Variants in SPIRE1 observed in about 807,000 individuals in gnomAD.
SPIRE1 encodes the protein spire type actin nucleation factor 1.
SPIRE1 carries 40 observed loss-of-function variants against 94.1 expected under a neutral mutation model. That is an observed-to-expected ratio of 0.43 (90% confidence interval 0.33 to 0.55). The LOEUF is 0.55. Ranked by LOEUF, SPIRE1 falls within the 20% of genes least tolerant of loss-of-function variation. The pLI, the probability that SPIRE1 is intolerant of heterozygous loss-of-function variation, is 0.06. For missense variants in SPIRE1, 838 were observed against 975.2 expected, an observed-to-expected ratio of 0.86 and a Z score of 1.87; for synonymous variants, 376 against 371.7, an observed-to-expected ratio of 1.01 and a Z score of -0.13.
chr18:12,493,195 C>A lies in SPIRE1; in HGVS notation c.1066G>T (p.Ala356Ser). 6.2e-7 allele frequency: 1 copy of A among 1,609,436 alleles called. No homozygotes were observed. Among genetic ancestry groups the A allele is most frequent in the Non-Finnish European group, 8.5e-7 (1 of 1,179,066 alleles). Residue 356 changes from alanine to serine, a missense_variant, in exon 8 of 17, where the codon GCC (alanine) becomes TCC (serine). This residue lies in a region of SPIRE1 where 645 missense variants were observed against 804.7 expected (regional missense o/e 0.80). Transcript: ENST00000409402. ...RSRPPLNPVS[A>S]RKLKPTPPRP... ...GGTGGAGTTGGTTTCAGTTTTCTGG[C>A]TGAGACCTTGAAAGTAAGAAAAATG...
chr18:12,458,494 G>T (rs568263186), intron 12 of SPIRE1, among the ~76,000 whole-genome samples: 1 of 152,060 alleles, frequency 6.6e-6, no homozygotes, highest in East Asian at 2.0e-4. Flanking sequence ...GATGCCTGGA[G>T]TCCCAGCTAC....
rs190852761 is a variant in SPIRE1, at chr18:12,469,799, T to C, written c.1405-4841A>G. On this transcript the variant is annotated intron_variant, in intron 10 of 16. Coordinates refer to ENST00000409402, the MANE Select transcript of SPIRE1 (RefSeq NM_001128626.2). ...TTTACGAGGTCTCATGAGACTCTTA[T>C]AGATGCAACTGAGGCAAAAGTAAGC... 5.2e-4 allele frequency among the ~76,000 whole-genome samples: 77 copies of C among 148,826 alleles called. 1 individual carries two copies. The highest frequency in any genetic ancestry group is 1.7e-3 in the African/African-American group (69 of 40,770).
intron 1 of SPIRE1, among the ~76,000 whole-genome samples, chr18:12,637,588 G>A (rs1402732828): frequency 1.3e-5 from 2 of 152,156 alleles, no homozygotes; most frequent in Admixed American, 6.5e-5. Flanking sequence ...CAAACCTAAC[G>A]TGAGAAGAAA....
intron 4 of SPIRE1, among the ~76,000 whole-genome samples, chr18:12,525,559 A>G (rs2034497227): frequency 6.6e-6 from 1 of 151,984 alleles, no homozygotes; most frequent in South Asian, 2.1e-4. Context: ...AAAGTTTCAC[A>G]TCAAGCATTT....
At chr18:12,501,089 AAAAAAAG>A (rs2033647624) in intron 6 of SPIRE1, among the ~76,000 whole-genome samples, 1 of 140,934 alleles carries the variant, frequency 7.1e-6, no homozygotes, top group Non-Finnish European at 1.6e-5. Context: ...AAAAAAAAAA[AAAAAAAG>A]AAAAAAAAAA....
At chr18:12,453,308 T>C (rs2031336831) in intron 13 of SPIRE1, among the ~76,000 whole-genome samples, 170 bp from the exon 14 acceptor site, 2 of 152,214 alleles carry the variant, frequency 1.3e-5, no homozygotes, top group African/African-American at 4.8e-5. Flanking sequence ...GCTGATAATG[T>C]AGCTCTGTAT....
chr18:12,657,616 G>A lies in SPIRE1; in HGVS notation c.251C>T (p.Ser84Leu), dbSNP rs2038588811. ...RRRQPRHRVR[S>L]AAQIRVWRDG... ...CCTCCAGACGCGGATCTGCGCGGCC[G>A]AGCGCACACGGTGGCGGGGCTGGCG... Residue 84 changes from serine (S) to leucine (L), a missense_variant, in exon 1 of 17, where the codon TCG becomes TTG. Transcript: ENST00000409402. 1 of 1,295,702 alleles carries A rather than the reference G, an allele frequency of 7.7e-7. No homozygotes were observed. The highest frequency in any genetic ancestry group is 9.8e-7 in the Non-Finnish European group (1 of 1,024,354). 80.3% of individuals were successfully genotyped at this position (1,295,702 alleles called of 1,614,324 possible). A position where few individuals can be genotyped will look rare whatever the true frequency, so the allele number is the denominator to read the frequency against.
At chr18:12,476,419 T>C (rs1270824582) in intron 10 of SPIRE1, among the ~76,000 whole-genome samples, 1 of 150,860 alleles carries the variant, frequency 6.6e-6, no homozygotes, top group Non-Finnish European at 1.5e-5. Flanking sequence ...CAGGCACCTG[T>C]AATCCCAGTT....
At chr18:12,525,542 GA>G (rs1032373412) in intron 4 of SPIRE1, among the ~76,000 whole-genome samples, 3 of 150,616 alleles carry the variant, frequency 2.0e-5, no homozygotes, top group African/African-American at 7.3e-5. Flanking sequence ...GCTGCTTTTA[GA>G]AAAAAAAAGT....
At chr18:12,502,359 G>C (rs1165245814) in intron 6 of SPIRE1, among the ~76,000 whole-genome samples, 1 of 152,136 alleles carries the variant, frequency 6.6e-6, no homozygotes, top group Non-Finnish European at 1.5e-5. Flanking sequence ...TATCTACTAA[G>C]ACTTATTTTA....
intron 2 of SPIRE1, among the ~76,000 whole-genome samples, chr18:12,598,872 G>C (rs1173793897): frequency 1.3e-5 from 2 of 152,064 alleles, no homozygotes; most frequent in African/African-American, 2.4e-5. Flanking sequence ...GCCAATTTTT[G>C]TATCACTTTA....
intron 10 of SPIRE1, among the ~76,000 whole-genome samples, chr18:12,479,163 T>C (rs1243182934): frequency 6.7e-6 from 1 of 149,836 alleles, no homozygotes; most frequent in African/African-American, 2.5e-5. Flanking sequence ...ATATGTATTT[T>C]TTTTTTCTTT....
intron 6 of SPIRE1, among the ~76,000 whole-genome samples, chr18:12,501,624 C>T (rs575227001): frequency 1.4e-3 from 210 of 152,100 alleles, no homozygotes; most frequent in Non-Finnish European, 2.7e-3. Flanking sequence ...CCTTGTGTTC[C>T]GCACGCCTCG....
At chr18:12,562,898 A>G (rs962656040) in intron 2 of SPIRE1, among the ~76,000 whole-genome samples, 1 of 152,210 alleles carries the variant, frequency 6.6e-6, no homozygotes, top group Non-Finnish European at 1.5e-5. Context: ...AAATTATAAT[A>G]TAGTTTCATG....
Position 12,556,436 on chromosome 18 carries a change from G to C in SPIRE1, c.373-9532C>G, listed in dbSNP as rs116853215. On this transcript the variant is annotated intron_variant, in intron 2 of 16. Transcript: ENST00000409402. ...CAAATATACAAATAACACTGTGTCCGGAATTGGTGGGTTCTTGGTCTCGCT... is the reference window on the plus strand; with the variant it reads ...CAAATATACAAATAACACTGTGTCCCGAATTGGTGGGTTCTTGGTCTCGCT... Among the ~76,000 whole-genome samples, 1,487 of 152,308 alleles carry C rather than the reference G, an allele frequency of 9.8e-3. 15 individuals carry two copies. The highest frequency in any genetic ancestry group is 0.015 in the Non-Finnish European group (999 of 68,028).
chr18:12,540,399 G>C (rs144478843), intron 3 of SPIRE1, among the ~76,000 whole-genome samples: 3 of 151,700 alleles, frequency 2.0e-5, no homozygotes, highest in Non-Finnish European at 4.4e-5. Flanking sequence ...TTTTGAAATG[G>C]GGTTTCACTC....
chr18:12,522,026 G>A (rs1306958518), intron 4 of SPIRE1, among the ~76,000 whole-genome samples: 1 of 152,178 alleles, frequency 6.6e-6, no homozygotes, highest in African/African-American at 2.4e-5. Flanking sequence ...ATGTGTTCAA[G>A]TGGAAGGAAG....
At chr18:12,476,614 TAC>T (rs1465808340) in intron 10 of SPIRE1, among the ~76,000 whole-genome samples, 35 of 135,384 alleles carry the variant, frequency 2.6e-4, no homozygotes, top group South Asian at 7.0e-4. Flanking sequence ...CACACATATA[TAC>T]ACACACATAT....
At chr18:12,631,565 A>AC (rs1176705914) in intron 2 of SPIRE1, among the ~76,000 whole-genome samples, 3 of 150,136 alleles carry the variant, frequency 2.0e-5, no homozygotes, top group South Asian at 2.1e-4. Context: ...AAAAAAAAAA[A>AC]AAAAAAAAAA....
Sources: gnomAD v4.1 joint callset for allele counts (sites outside exome capture counted in the v4.1 genomes callset) on GRCh38, gnomAD v4.1.1 for gene constraint, gnomAD v4.1.1 regional missense constraint, MANE v1.5 for transcripts, NCBI Gene and HGNC (gene_info 2026-07-23, HGNC 2026-07-21) for gene names.